Variants in CAPG observed in about 807,000 individuals in gnomAD.
CAPG encodes the protein macrophage-capping protein.
Under a neutral mutation model 44.6 loss-of-function variants are expected in CAPG, and 32 were observed. The ratio of observed to expected loss-of-function variants is 0.72; its 90% CI spans 0.54 to 0.96. The LOEUF (loss-of-function observed/expected upper bound fraction) is 0.96, where lower values mean the gene tolerates loss of function less well. CAPG is among the 50% of genes least tolerant of loss of function. CAPG has a pLI of 0.00. For missense variants in CAPG, 412 were observed against 438.3 expected (o/e 0.94, Z 0.54); for synonymous variants, 175 against 179.6 (o/e 0.97, Z 0.20).
In CAPG at chr2:85,395,666, C is replaced by A; in HGVS notation, c.893-40G>T. ...GGAGATTTTTAAAAAGAGCAGGGAC[C>A]CTCTTTAGCTGCCATCCCATTTTTC... On this transcript the variant is annotated intron_variant, in intron 8 of 9. Coordinates refer to ENST00000263867, the MANE Select transcript of CAPG (RefSeq NM_001747.4). The surrounding 1 kb of genome is among the most constrained non-coding windows in gnomAD (Gnocchi z 4.3). 7.0e-7 allele frequency: 1 copy of A among 1,420,982 alleles called. No individual in the cohort carries two copies. Among genetic ancestry groups the A allele is most frequent in the Non-Finnish European group, 9.8e-7 (1 of 1,015,610 alleles). The allele number at this position is 1,420,982 out of a possible 1,614,324, so 88.0% of individuals were successfully genotyped here.
In CAPG at chr2:85,399,385, T is replaced by G. The variant is rs548788187; in HGVS notation, c.517-100A>C. The G allele has an allele frequency of 5.1e-5, 67 of 1,311,500 alleles. 2 individuals carry two copies. The South Asian group carries it at 8.3e-4, about 16-fold the overall frequency. 81.2% of individuals were successfully genotyped at this position (1,311,500 alleles called of 1,614,324 possible). Reference sequence around the variant, plus strand: ...AGCTCTCCCTCTCTCCTCTCTGAACTGTCCCTGAGGCAGGACAACCAGGAA... The same window carrying G: ...AGCTCTCCCTCTCTCCTCTCTGAACGGTCCCTGAGGCAGGACAACCAGGAA... On this transcript the variant is annotated intron_variant, in intron 5 of 9. Coordinates refer to ENST00000263867, the MANE Select transcript of CAPG (RefSeq NM_001747.4).
At chr2:85,416,651 T>C (rs1231665933) in intron 1 of CAPG, among the ~76,000 whole-genome samples, 3 of 152,196 alleles carry the variant, frequency 2.0e-5, no homozygotes, top group Non-Finnish European at 4.4e-5. Flanking sequence ...TATCTGGGAC[T>C]ACAGGCGCAC....
upstream of CAPG, chr2:85,410,680 GCCATGTTCT>G (rs1687379987): frequency 6.6e-6 from 1 of 152,544 alleles, no homozygotes; most frequent in East Asian, 1.9e-4. Context: ...AGCAAGGAAA[GCCATGTTCT>G]CCATTCAGGG....
At chr2:85,403,886 CAAAAAAAAAAAA>C (rs36054381) in intron 1 of CAPG, among the ~76,000 whole-genome samples, 1 of 69,790 alleles carries the variant, frequency 1.4e-5, no homozygotes, top group Non-Finnish European at 2.7e-5. Context: ...GACTCCATCT[CAAAAAAAAAAAA>C]AAAAAAAAAA....
intron 5 of CAPG, among the ~76,000 whole-genome samples, chr2:85,400,206 G>A (rs185803276): frequency 7.2e-5 from 11 of 152,322 alleles, no homozygotes; most frequent in East Asian, 3.9e-4. Flanking sequence ...GGATTTAGGC[G>A]CAAAATAAAT....
At chr2:85,407,264 G>T (rs1687206225) in intron 1 of CAPG, among the ~76,000 whole-genome samples, 1 of 152,046 alleles carries the variant, frequency 6.6e-6, no homozygotes, top group Admixed American at 6.5e-5. Context: ...CCAAGCCCCT[G>T]GTCTGGGGAT....
Position 85,398,160 on chromosome 2 carries a change from G to T in CAPG, c.760-8C>A, listed in dbSNP as rs1216851872. On this transcript the variant is annotated splice_polypyrimidine_tract_variant and splice_region_variant and intron_variant, in intron 7 of 9. Transcript: ENST00000263867. ...TCCAGTGGCATCAGAGACCTGGGGA[G>T]GAGGGACAGTGCCTGATCTCACCCC... 2.5e-6 allele frequency: 4 copies of T among 1,612,424 alleles called. No individual in the cohort carries two copies. Among genetic ancestry groups the T allele is most frequent in the Non-Finnish European group, 3.4e-6 (4 of 1,179,544 alleles).
upstream of CAPG, among the ~76,000 whole-genome samples, chr2:85,411,742 T>C (rs62162747): frequency 0.25 from 38,277 of 152,038 alleles, 5,350 homozygotes; most frequent in Non-Finnish European, 0.33. Context: ...ATTATTTGAC[T>C]GCGTGGGAAA....
downstream of CAPG, among the ~76,000 whole-genome samples, chr2:85,393,258 A>G (rs994249520): frequency 4.0e-5 from 6 of 151,730 alleles, no homozygotes; most frequent in African/African-American, 1.5e-4. Flanking sequence ...CTGGTCTCAA[A>G]CCCCAGAGCT....
In CAPG at chr2:85,398,152, C is replaced by CCT. The variant is rs748842609; in HGVS notation, c.760-2_760-1dup (p.Val254ArgfsTer9). ...TTCATCTGTCCAGTGGCATCAGAGA[C>CCT]CTGGGGAGGAGGGACAGTGCCTGAT... On this transcript the variant is annotated frameshift_variant and splice_region_variant. Coordinates refer to ENST00000263867, the MANE Select transcript of CAPG (RefSeq NM_001747.4). LOFTEE classifies it high-confidence loss of function. 3 of 1,613,032 alleles carry CCT rather than the reference C, an allele frequency of 1.9e-6. No individual in the cohort carries two copies. In the South Asian group the frequency reaches 3.3e-5, roughly 18 times the overall value.
chr2:85,404,951 AT>A (rs35523416), intron 1 of CAPG, among the ~76,000 whole-genome samples: 30,145 of 126,028 alleles, frequency 0.24, 3,979 homozygotes, highest in African/African-American at 0.42. Flanking sequence ...AAAAAAAAAA[AT>A]TTTTTTTTTA....
upstream of CAPG, among the ~76,000 whole-genome samples, chr2:85,413,516 G>T (rs1258587644): frequency 3.3e-5 from 5 of 152,276 alleles, no homozygotes; most frequent in East Asian, 1.9e-4. Context: ...GGAGGCGGAG[G>T]TTGCGGTGAG....
At chr2:85,397,409 G>A (rs1686647746) in intron 8 of CAPG, among the ~76,000 whole-genome samples, 2 of 152,136 alleles carry the variant, frequency 1.3e-5, no homozygotes, top group South Asian at 4.1e-4. Flanking sequence ...TTTAGGAGGT[G>A]GGAACAGCAA....
upstream of CAPG, chr2:85,418,594 G>C (rs1048272511): frequency 6.6e-6 from 1 of 151,766 alleles, no homozygotes; most frequent in Non-Finnish European, 1.5e-5. Context: ...ACAGACCCCC[G>C]GACACACTTA....
At chr2:85,413,507 G>A (rs750879246), upstream of CAPG, among the ~76,000 whole-genome samples, 80 of 152,160 alleles carry the variant, frequency 5.3e-4, 2 homozygotes, top group Non-Finnish European at 2.5e-4. Context: ...TTGAACCCGG[G>A]AGGCGGAGGT....
intron 1 of CAPG, 98 bp from the exon 2 acceptor site, chr2:85,402,256 T>G: frequency 1.1e-6 from 1 of 894,086 alleles, no homozygotes; most frequent in Non-Finnish European, 1.8e-6. Context: ...AGTACTTTCA[T>G]ATTCATCAAC....
chr2:85,412,290 AT>A (rs1215152717), upstream of CAPG, among the ~76,000 whole-genome samples: 2 of 151,304 alleles, frequency 1.3e-5, no homozygotes, highest in Non-Finnish European at 2.9e-5. Context: ...AGGCGGGTGG[AT>A]CATGAGGTCA....
At chr2:85,399,420 C>T (rs1163454024) in intron 5 of CAPG, 135 bp from the exon 6 acceptor site, 2 of 878,104 alleles carry the variant, frequency 2.3e-6, no homozygotes, top group African/African-American at 1.7e-5. Flanking sequence ...AGGCAGAGCA[C>T]AGCACAGAGG....
Position 85,398,110 on chromosome 2 carries a change from C to T in CAPG, c.802G>A (p.Asp268Asn), listed in dbSNP as rs1336965551. The change falls in exon 8 of 10, where the codon GAC becomes AAC. Residue 268 changes from aspartate to asparagine, a missense_variant. Coordinates refer to ENST00000263867, the MANE Select transcript of CAPG (RefSeq NM_001747.4). Reference protein sequence around the residue: ...TGQMNLTKVADSSPFALELLI... With the variant: ...TGQMNLTKVANSSPFALELLI... The stretch of plus-strand genomic sequence containing the variant: ...AGTTCAAGGGCAAATGGGCTGGAGT[C>T]AGCCACCTTGGTCAGGTTCATCTGT... 6.2e-7 allele frequency: 1 copy of T among 1,614,086 alleles called. No individual in the cohort carries two copies. Among genetic ancestry groups the T allele is most frequent in the South Asian group, 1.1e-5 (1 of 91,068 alleles).
Sources: gnomAD v4.1 joint callset for allele counts (sites outside exome capture counted in the v4.1 genomes callset) on GRCh38, gnomAD v4.1.1 for gene constraint, Gnocchi (gnomAD v3.1) non-coding constraint, MANE v1.5 for transcripts, NCBI Gene and HGNC (gene_info 2026-07-23, HGNC 2026-07-21) for gene names.